ZNF76: variants seen among roughly 807,000 people sequenced by gnomAD.
The protein encoded by ZNF76 is zinc finger protein 523.
In ZNF76, 66 loss-of-function variants were observed where a neutral mutation model predicts 66.9. The ratio of observed to expected loss-of-function variants is 0.99; its 90% CI spans 0.81 to 1.21. The LOEUF (loss-of-function observed/expected upper bound fraction) is 1.21. Ranked by LOEUF, ZNF76 falls within the 50% of genes most tolerant of loss-of-function variation. The pLI is 0.00. For synonymous variants in ZNF76, 275 were observed against 296.1 expected, an observed-to-expected ratio of 0.93 and a Z score of 0.73; for missense variants, 729 against 760.3, an observed-to-expected ratio of 0.96 and a Z score of 0.48.
chr6:35,283,437 T>C (rs2150363290), intron 2 of ZNF76, among the ~76,000 whole-genome samples: 1 of 152,382 alleles, frequency 6.6e-6, no homozygotes, highest in African/African-American at 2.4e-5. Context: ...GACTTATCTT[T>C]AATTAGGATG....
At position 35,272,762 on chromosome 6, in the gene ZNF76, C is replaced by T. The variant is rs548935159; in HGVS notation, c.-96-8294C>T. ...TGAATGTTCCTCCCACTTCAGCCCCCGAGTAGCTGGGACCACAGCCATGTG... is the reference window on the plus strand; with the variant it reads ...TGAATGTTCCTCCCACTTCAGCCCCTGAGTAGCTGGGACCACAGCCATGTG... On this transcript the variant is annotated intron_variant, in intron 1 of 13. Transcript: ENST00000373953. Among the ~76,000 whole-genome samples the T allele has an allele frequency of 2.6e-5, 4 of 152,312 alleles. No homozygotes were observed. The East Asian group carries it at 5.8e-4, about 22-fold the overall frequency.
rs565545993 is a variant in ZNF76, at chr6:35,281,953, A to T, written c.73+729A>T. The stretch of plus-strand genomic sequence containing the variant: ...CCCATCTCTTAAAAAAAAAAAAAAA[A>T]AAAGATACTCTTCCTGATTCAGAGA... On this transcript the variant is annotated intron_variant, in intron 2 of 13. Transcript: ENST00000373953. 1.6e-4 allele frequency among the ~76,000 whole-genome samples: 24 copies of T among 151,842 alleles called. No homozygotes were observed. The South Asian group carries it at 4.4e-3, about 28-fold the overall frequency.
chr6:35,285,738 T>G (rs1562117481), intron 2 of ZNF76, among the ~76,000 whole-genome samples: 1 of 152,252 alleles, frequency 6.6e-6, no homozygotes, highest in Non-Finnish European at 1.5e-5. Flanking sequence ...GTTTTGATTT[T>G]GTTAGTTTGA....
At chr6:35,295,090 A>C in intron 13 of ZNF76, 54 bp from the exon 14 acceptor site, 1 of 1,431,316 alleles carries the variant, frequency 7.0e-7, no homozygotes. Context: ...TAACACTGGA[A>C]TCTAGCAGGG....
chr6:35,285,569 C>T (rs983980010), intron 2 of ZNF76, among the ~76,000 whole-genome samples: 1 of 152,144 alleles, frequency 6.6e-6, no homozygotes. Context: ...AATAAGCTGT[C>T]CAAGGTCACA....
intron 1 of ZNF76, among the ~76,000 whole-genome samples, chr6:35,260,183 C>G (rs1785008131): frequency 6.6e-6 from 1 of 152,142 alleles, no homozygotes; most frequent in South Asian, 2.1e-4. Context: ...CAGCACTTCT[C>G]AGAGACCCAC....
In ZNF76 at chr6:35,295,225, A is replaced by G. The variant is rs149523708; in HGVS notation, c.1690A>G (p.Thr564Ala). Reference sequence around the variant, plus strand: ...GCAAGGGGCTGTGACCCTGGAGACAACAGTGTCGGAGAGTGGCTGCTGAGT... The same window carrying G: ...GCAAGGGGCTGTGACCCTGGAGACAGCAGTGTCGGAGAGTGGCTGCTGAGT... ...MQQGAVTLET[T>A]VSESGC Residue 564 changes from threonine (T) to alanine (A), a missense_variant, in exon 14 of 14, where the codon ACA becomes GCA. Thr to Ala is a moderately conservative substitution (Grantham distance 58). Transcript: ENST00000373953. The G allele has an allele frequency of 3.1e-6, 5 of 1,608,734 alleles. No individual in the cohort carries two copies. The highest frequency in any genetic ancestry group is 1.1e-5 in the South Asian group (1 of 89,930).
In ZNF76 at chr6:35,281,069, A is replaced by C; in HGVS notation, c.-83A>C. The C allele has an allele frequency of 7.6e-7, 1 of 1,313,412 alleles. No individual in the cohort carries two copies. The highest frequency in any genetic ancestry group is 2.0e-4 in the Middle Eastern group (1 of 5,072). 81.4% of individuals were successfully genotyped at this position (1,313,412 alleles called of 1,614,324 possible). A position where few individuals can be genotyped will look rare whatever the true frequency, so the allele number is the denominator to read the frequency against. On this transcript the variant is annotated 5_prime_UTR_variant, in exon 2 of 14. Transcript: ENST00000373953. ...TTATTTTCTTAGATTTGTGACCCAG[A>C]AGGAAATCTCTGACCTCAGCTGTGG...
intron 2 of ZNF76, among the ~76,000 whole-genome samples, chr6:35,282,977 A>G (rs1045925634): frequency 3.9e-5 from 6 of 152,016 alleles, no homozygotes; most frequent in African/African-American, 1.5e-4. Flanking sequence ...CAGACTTCCC[A>G]CTCCAGGTCT....
intron 1 of ZNF76, chr6:35,279,054 T>C (rs533144124): frequency 2.0e-5 from 3 of 152,396 alleles, no homozygotes; most frequent in African/African-American, 7.2e-5. Flanking sequence ...CAGCCTTGTA[T>C]GCAAGGTGGA....
At chr6:35,260,220 C>T (rs1041983033) in intron 1 of ZNF76, among the ~76,000 whole-genome samples, 2 of 152,116 alleles carry the variant, frequency 1.3e-5, no homozygotes, top group African/African-American at 4.8e-5. Context: ...CAGTTTTAAT[C>T]CGGTGACTCA....
intron 1 of ZNF76, among the ~76,000 whole-genome samples, chr6:35,280,529 C>CCA (rs1302696640): frequency 7.9e-6 from 1 of 127,192 alleles, no homozygotes; most frequent in African/African-American, 2.8e-5. Flanking sequence ...CCCCCCCCCC[C>CCA]GCCCTGAAGT....
At chr6:35,280,355 G>T (rs1242171261) in intron 1 of ZNF76, among the ~76,000 whole-genome samples, 1 of 152,072 alleles carries the variant, frequency 6.6e-6, no homozygotes, top group Non-Finnish European at 1.5e-5. Context: ...GTGATACTTT[G>T]TCTCTAAAAA....
Position 35,280,564 on chromosome 6 carries a change from CT to C in ZNF76, c.-96-491del, listed in dbSNP as rs1788632548. 2.7e-5 allele frequency among the ~76,000 whole-genome samples: 4 copies of C among 147,088 alleles called. No homozygotes were observed. In the South Asian group the frequency reaches 9.0e-4, roughly 33 times the overall value. ...TTCTGGGTGGAAGGCGATACCACCCCTGGGATAGGGGATACTGGAAGTACAA... is the reference window on the plus strand; with the variant it reads ...TTCTGGGTGGAAGGCGATACCACCCCGGGATAGGGGATACTGGAAGTACAA... On this transcript the variant is annotated intron_variant, in intron 1 of 13. Transcript: ENST00000373953.
chr6:35,278,904 G>A (rs1464529822), intron 1 of ZNF76, among the ~76,000 whole-genome samples: 5 of 152,224 alleles, frequency 3.3e-5, no homozygotes, highest in East Asian at 1.9e-4. Context: ...CCACTGTGAC[G>A]CAGAAACCAG....
chr6:35,290,188 A>C, intron 5 of ZNF76, 78 bp from the exon 6 acceptor site: 1 of 1,577,842 alleles, frequency 6.3e-7, no homozygotes, highest in Non-Finnish European at 8.6e-7. Flanking sequence ...GTTGGGTCTT[A>C]AGCTGCCAGC....
chr6:35,272,864 G>A (rs1316411946), intron 1 of ZNF76, among the ~76,000 whole-genome samples: 8 of 151,850 alleles, frequency 5.3e-5, no homozygotes, highest in Non-Finnish European at 1.0e-4. Flanking sequence ...TTTTTAAGAC[G>A]GTGTCTCGGC....
chr6:35,294,375 T>C, intron 12 of ZNF76, 81 bp from the exon 13 acceptor site: 1 of 973,928 alleles, frequency 1.0e-6, no homozygotes, highest in South Asian at 1.4e-5. Context: ...CCCAGCACCT[T>C]AATTGGAGGG....
intron 1 of ZNF76, among the ~76,000 whole-genome samples, chr6:35,265,953 T>C (rs1316184032): frequency 1.3e-5 from 2 of 152,070 alleles, no homozygotes; most frequent in African/African-American, 4.8e-5. Flanking sequence ...GAATAAGCTA[T>C]AACGGGGCAA....
Sources: gnomAD v4.1 joint callset for allele counts (sites outside exome capture counted in the v4.1 genomes callset) on GRCh38, gnomAD v4.1.1 for gene constraint, MANE v1.5 for transcripts, NCBI Gene and HGNC (gene_info 2026-07-23, HGNC 2026-07-21) for gene names.